Variants in PHLDB2 observed in about 807,000 individuals in gnomAD.
The protein encoded by PHLDB2 is pleckstrin homology like domain family B member 2.
PHLDB2 carries 71 observed loss-of-function variants against 123.6 expected under a neutral mutation model. The observed-to-expected ratio is 0.57, with a 90% CI of 0.47 to 0.70. The LOEUF is 0.70. Among genes scored for constraint, PHLDB2 ranks in the 30% least tolerant of loss-of-function variants. The pLI is 0.00. For synonymous variants in PHLDB2, 547 were observed against 541.6 expected, an observed-to-expected ratio of 1.01 and a Z score of -0.14; for missense variants, 1,446 against 1,519.5, an observed-to-expected ratio of 0.95 and a Z score of 0.80.
chr3:111,737,562 G>A (rs921452034), intron 1 of PHLDB2, among the ~76,000 whole-genome samples: 1 of 152,178 alleles, frequency 6.6e-6, no homozygotes, highest in Non-Finnish European at 1.5e-5. Flanking sequence ...CCATGCCTTG[G>A]AGGGGTTCCC....
intron 1 of PHLDB2, among the ~76,000 whole-genome samples, chr3:111,820,702 C>A (rs1469832471): frequency 1.3e-5 from 2 of 152,134 alleles, no homozygotes; most frequent in Non-Finnish European, 2.9e-5. Context: ...AATTTCCAGA[C>A]CTGGATTCTC....
At chr3:111,811,723 T>C (rs2061848036) in intron 1 of PHLDB2, among the ~76,000 whole-genome samples, 1 of 152,124 alleles carries the variant, frequency 6.6e-6, no homozygotes, top group African/African-American at 2.4e-5. Context: ...TATAATTCTG[T>C]TTTTAAGGTT....
chr3:111,752,624 T>A (rs548000813), intron 1 of PHLDB2, among the ~76,000 whole-genome samples: 4 of 150,790 alleles, frequency 2.7e-5, no homozygotes, highest in Non-Finnish European at 5.9e-5. Flanking sequence ...AACAAAAAAA[T>A]TTCTTTTTTA....
chr3:111,839,940 C>CTTTTTTTTTTTTTTTTTTTTTTTTTTTTT (rs3082317), intron 1 of PHLDB2, among the ~76,000 whole-genome samples: 2 of 64,940 alleles, frequency 3.1e-5, no homozygotes, highest in Non-Finnish European at 5.1e-5. Context: ...CCCACCCCCG[C>CTTTTTTTTTTTTTTTTTTTTTTTTTTTTT]TTTTTTTTTT....
At chr3:111,881,222 G>A (rs2065910742) in intron 1 of PHLDB2, among the ~76,000 whole-genome samples, 1 of 152,072 alleles carries the variant, frequency 6.6e-6, no homozygotes, top group Admixed American at 6.5e-5. Context: ...ATTTTGAAAT[G>A]GCAGGCAACT....
At chr3:111,793,084 C>T (rs2060997038) in intron 1 of PHLDB2, among the ~76,000 whole-genome samples, 1 of 152,124 alleles carries the variant, frequency 6.6e-6, no homozygotes, top group African/African-American at 2.4e-5. Flanking sequence ...CAGCAGGTGC[C>T]AAATCCAGCC....
intron 13 of PHLDB2, among the ~76,000 whole-genome samples, chr3:111,964,548 G>T (rs2071626170): frequency 6.6e-6 from 1 of 150,888 alleles, no homozygotes; most frequent in African/African-American, 2.4e-5. Flanking sequence ...CACCATGTTG[G>T]CCAGGCTGGT....
intron 1 of PHLDB2, among the ~76,000 whole-genome samples, chr3:111,773,000 T>C (rs572194250): frequency 6.6e-6 from 1 of 152,308 alleles, no homozygotes; most frequent in African/African-American, 2.4e-5. Flanking sequence ...ATATTTCTGA[T>C]TCTCAGCACT....
In PHLDB2 at chr3:111,844,225, C is replaced by G. The variant is rs144671858; in HGVS notation, c.-48-1596C>G. Among the ~76,000 whole-genome samples, 353 of 152,226 alleles carry G rather than the reference C, an allele frequency of 2.3e-3. 1 individual carries two copies. The highest frequency in any genetic ancestry group is 7.1e-3 in the African/African-American group (295 of 41,528). On this transcript the variant is annotated intron_variant, in intron 1 of 17. Transcript: ENST00000393923. ...CCTATGAGACAGTTTGCCTTGCTCCCTCCCATTTTGAAAAAAAACAAAAAC... is the reference window on the plus strand; with the variant it reads ...CCTATGAGACAGTTTGCCTTGCTCCGTCCCATTTTGAAAAAAAACAAAAAC...
intron 1 of PHLDB2, among the ~76,000 whole-genome samples, chr3:111,807,901 G>C (rs2061661801): frequency 6.6e-6 from 1 of 150,920 alleles, no homozygotes; most frequent in Non-Finnish European, 1.5e-5. Flanking sequence ...ACTGAACATT[G>C]CTTTATTTCT....
intron 9 of PHLDB2, among the ~76,000 whole-genome samples, chr3:111,946,270 C>A (rs1436459648): frequency 6.6e-6 from 1 of 152,200 alleles, no homozygotes; most frequent in African/African-American, 2.4e-5. Context: ...GATCTGCCTG[C>A]CTTGGCCTCC....
intron 1 of PHLDB2, among the ~76,000 whole-genome samples, chr3:111,770,440 G>A (rs180823364): frequency 6.6e-6 from 1 of 152,278 alleles, no homozygotes; most frequent in African/African-American, 2.4e-5. Context: ...CAAATGTTAA[G>A]TGGGCTAGCC....
chr3:111,897,711 C>A (rs114690794), intron 2 of PHLDB2, among the ~76,000 whole-genome samples: 1 of 152,296 alleles, frequency 6.6e-6, no homozygotes, highest in African/African-American at 2.4e-5. Context: ...TATAGAATAA[C>A]AAGCTGAAGC....
chr3:111,763,109 G>C (rs2060022407), intron 1 of PHLDB2, among the ~76,000 whole-genome samples: 1 of 152,184 alleles, frequency 6.6e-6, no homozygotes, highest in African/African-American at 2.4e-5. Context: ...TGAGCTTTAT[G>C]ATCCTGCCTG....
intron 1 of PHLDB2, among the ~76,000 whole-genome samples, chr3:111,864,093 A>G (rs988693894): frequency 9.2e-5 from 14 of 152,300 alleles, no homozygotes; most frequent in South Asian, 6.2e-4. Flanking sequence ...CATTTTGACA[A>G]CTAGCCAAAG....
upstream of PHLDB2, among the ~76,000 whole-genome samples, chr3:111,854,944 C>G (rs2064414911): frequency 1.3e-5 from 2 of 152,184 alleles, no homozygotes; most frequent in Non-Finnish European, 2.9e-5. Context: ...CAAGAATGCT[C>G]TGTGAATCTG....
intron 1 of PHLDB2, among the ~76,000 whole-genome samples, chr3:111,743,102 A>G (rs1203531847): frequency 2.0e-5 from 3 of 152,212 alleles, no homozygotes; most frequent in East Asian, 1.9e-4. Context: ...ATTTGGATTC[A>G]CAGTCTTCCT....
chr3:111,848,424 A>G (rs1261760390), intron 2 of PHLDB2, among the ~76,000 whole-genome samples: 1 of 152,136 alleles, frequency 6.6e-6, no homozygotes, highest in Non-Finnish European at 1.5e-5. Flanking sequence ...AAAACAATAA[A>G]CCACATCAGA....
intron 5 of PHLDB2, 44 bp downstream of exon 5, chr3:111,920,463 G>T (rs778139801): frequency 1.9e-6 from 3 of 1,595,332 alleles, no homozygotes; most frequent in Non-Finnish European, 1.7e-6. Context: ...TGGGCAAAGT[G>T]GTGGTCCCAG....
Sources: allele counts gnomAD v4.1 joint callset (sites outside exome capture counted in the v4.1 genomes callset), GRCh38; gene constraint gnomAD v4.1.1; transcripts MANE v1.5; gene names NCBI Gene and HGNC (gene_info 2026-07-23, HGNC 2026-07-21).